Variants in NIN observed in about 807,000 individuals in gnomAD.
NIN encodes the protein glycogen synthase kinase 3 beta-interacting protein.
A neutral mutation model predicts 257.6 loss-of-function variants in NIN; 137 were observed. The ratio of observed to expected loss-of-function variants is 0.53; its 90% CI spans 0.46 to 0.61. The LOEUF (loss-of-function observed/expected upper bound fraction) is 0.61. Ranked by LOEUF, NIN falls within the 20% of genes least tolerant of loss-of-function variation. The probability of loss-of-function intolerance (pLI) is 0.00; values close to 1 mark genes in which losing one functional copy is unlikely to be tolerated. For missense variants in NIN, 2,439 were observed against 2,501.2 expected (o/e 0.98, Z 0.53); for synonymous variants, 918 against 919.8 (o/e 1.00, Z 0.04).
intron 18 of NIN, among the ~76,000 whole-genome samples, chr14:50,755,358 A>AT (rs1259133155): frequency 1.3e-5 from 2 of 152,148 alleles, no homozygotes; most frequent in Non-Finnish European, 2.9e-5. Flanking sequence ...TATTCATCTC[A>AT]TTATATTCTG....
chr14:50,761,419 C>T (rs1274571925), intron 16 of NIN, among the ~76,000 whole-genome samples: 1 of 152,086 alleles, frequency 6.6e-6, no homozygotes, highest in African/African-American at 2.4e-5. Context: ...GGACTGGAAA[C>T]GTCAGTTGAA....
At chr14:50,785,772 G>A (rs1471897788) in intron 5 of NIN, among the ~76,000 whole-genome samples, 2 of 152,342 alleles carry the variant, frequency 1.3e-5, no homozygotes, top group East Asian at 1.9e-4. Flanking sequence ...AGTGGAAGCT[G>A]AGTGCGCCCG....
At chr14:50,759,803 TA>T in intron 17 of NIN, 53 bp downstream of exon 17, 1 of 1,541,320 alleles carries the variant, frequency 6.5e-7, no homozygotes. Context: ...CTGGCACTTC[TA>T]ATGCCCCGAG....
rs1319227298 is a variant in NIN at position 50,757,584 on chromosome 14, T to G, written c.3446A>C (p.Asp1149Ala). The change falls in exon 18 of 31, where the codon GAT (aspartate) becomes GCT (alanine). Residue 1149 changes from aspartate to alanine, a missense_variant. Physicochemically the swap from Asp to Ala is moderately radical, Grantham distance 126 (BLOSUM62 -2). Around this residue, in one of 3 missense-constraint regions of NIN, gnomAD observed 2,043 missense variants for 2,050.2 expected, o/e 1.00. Coordinates refer to ENST00000530997, the MANE Select transcript of NIN (RefSeq NM_020921.4). ...TRRHVLSDLE[D>A]DEVRDLGSTG... ...ACTTCCCAGGTCCCGGACCTCATCA[T>G]CTTCCAGGTCACTTAGGACATGCCG... The G allele has an allele frequency of 1.1e-5, 18 of 1,614,038 alleles. No homozygotes were observed. Among genetic ancestry groups the G allele is most frequent in the Non-Finnish European group, 1.5e-5 (18 of 1,180,026 alleles).
chr14:50,773,228 T>C, intron 7 of NIN, 133 bp from the exon 8 acceptor site: 1 of 581,738 alleles, frequency 1.7e-6, no homozygotes, highest in South Asian at 2.8e-5. Flanking sequence ...CCCTTTATTC[T>C]CACTTTACTG....
chr14:50,752,133 C>G (rs928733624), intron 21 of NIN, among the ~76,000 whole-genome samples: 1 of 147,748 alleles, frequency 6.8e-6, no homozygotes, highest in Non-Finnish European at 1.5e-5. Context: ...CAAATTCACC[C>G]GTATTTTCTT....
In NIN at chr14:50,744,357, T is replaced by C. The variant is rs2041438389; in HGVS notation, c.5073A>G (p.Arg1691=). The change falls in exon 23 of 31, where the codon AGA becomes AGG. Residue 1691 remains arginine, a synonymous_variant. Coordinates refer to ENST00000530997, the MANE Select transcript of NIN (RefSeq NM_020921.4). ...DELEKMKQLH[R]CPDLSDFQQK... ...GCTGGAAGTCAGAGAGATCGGGACATCTGTGCAGCTGTAAGAGATAAACAA... is the reference window on the plus strand; with the variant it reads ...GCTGGAAGTCAGAGAGATCGGGACACCTGTGCAGCTGTAAGAGATAAACAA... 1 of 1,613,928 alleles carries C rather than the reference T, an allele frequency of 6.2e-7. No individual in the cohort carries two copies. Among genetic ancestry groups the C allele is most frequent in the Non-Finnish European group, 8.5e-7 (1 of 1,179,902 alleles).
Position 50,763,912 on chromosome 14 carries a change from G to A in NIN, c.1688C>T (p.Ala563Val). 1.2e-6 allele frequency: 2 copies of A among 1,614,050 alleles called. No homozygotes were observed. The highest frequency in any genetic ancestry group is 1.7e-6 in the Non-Finnish European group (2 of 1,179,942). ...CGGAAGCCTGAGCACTCTGCCTTGT[G>A]CACGATATTCTTCCAGCTCAGACTG... Reference protein sequence around the residue: ...ELQSELEEYRAQGRVLRLPLK... With the variant: ...ELQSELEEYRVQGRVLRLPLK... Residue 563 changes from alanine to valine, a missense_variant, in exon 15 of 31, where the codon GCA becomes GTA. Physicochemically the swap from Ala to Val is moderately conservative, Grantham distance 64. Transcript: ENST00000530997.
intron 29 of NIN, among the ~76,000 whole-genome samples, chr14:50,726,891 T>C (rs1441557516): frequency 1.3e-5 from 2 of 152,186 alleles, no homozygotes; most frequent in Non-Finnish European, 2.9e-5. Flanking sequence ...TTAAAAGACA[T>C]GCAGAATGAC....
chr14:50,817,249 T>C (rs1345076959), intron 3 of NIN, among the ~76,000 whole-genome samples: 1 of 152,184 alleles, frequency 6.6e-6, no homozygotes, highest in Non-Finnish European at 1.5e-5. Flanking sequence ...TACAAACCAA[T>C]GGCAGTTAAT....
At chr14:50,795,630 C>A (rs966105966) in intron 4 of NIN, among the ~76,000 whole-genome samples, 1 of 152,166 alleles carries the variant, frequency 6.6e-6, no homozygotes, top group African/African-American at 2.4e-5. Flanking sequence ...CCAGATGGAA[C>A]CTTTATTTTT....
rs749176097 is a variant in NIN, at chr14:50,821,991, C to T, written c.66G>A (p.Thr22=). 16 of 1,614,052 alleles carry T rather than the reference C, an allele frequency of 9.9e-6. No homozygotes were observed. Among genetic ancestry groups the T allele is most frequent in the South Asian group, 5.5e-5 (5 of 91,088 alleles). The change falls in exon 3 of 31, where the codon ACG becomes ACA. Residue 22 remains threonine (T), a synonymous_variant. Coordinates refer to ENST00000530997, the MANE Select transcript of NIN (RefSeq NM_020921.4). The part of the protein sequence containing the change: ...RLKELFDSFD[T]TGTGSLGQEE... The stretch of plus-strand genomic sequence containing the variant: ...CCTGCCCCAGGGACCCTGTGCCCGT[C>T]GTGTCAAAACTGTCAAACAGCTCCT...
In NIN at chr14:50,757,836, T is replaced by C; in HGVS notation, c.3194A>G (p.Asp1065Gly). The change falls in exon 18 of 31, where the codon GAC (aspartate) becomes GGC (glycine). Residue 1065 changes from aspartate (D) to glycine (G), a missense_variant. Asp to Gly is a moderately conservative substitution (Grantham distance 94). This residue lies in a region of NIN where 2,043 missense variants were observed against 2,050.2 expected (regional missense o/e 1.00). Coordinates refer to ENST00000530997, the MANE Select transcript of NIN (RefSeq NM_020921.4). ...QGEQLLEENGDVLLSLQRAHE... is the reference protein window; with the variant it reads ...QGEQLLEENGGVLLSLQRAHE... ...AGCTCTCTGCAGGCTTAAGAGGACG[T>C]CCCCATTTTCTTCCAACAGCTGCTC... 6.2e-7 allele frequency: 1 copy of C among 1,614,104 alleles called. No homozygotes were observed. Among genetic ancestry groups the C allele is most frequent in the Non-Finnish European group, 8.5e-7 (1 of 1,180,024 alleles).
intron 3 of NIN, among the ~76,000 whole-genome samples, chr14:50,809,397 T>C (rs145642334): frequency 1.4e-3 from 217 of 152,266 alleles, no homozygotes; most frequent in African/African-American, 4.6e-3. Context: ...TCCAGTTTGC[T>C]ATATTTAGGG....
chr14:50,759,749 A>G (rs2042201301), intron 17 of NIN, 108 bp downstream of exon 17: 2 of 1,205,120 alleles, frequency 1.7e-6, no homozygotes, highest in Non-Finnish European at 2.3e-6. Flanking sequence ...TCGGCCTCCC[A>G]GAGTGCTGGG....
At position 50,719,797 on chromosome 14, in the gene NIN, G is replaced by A. The variant is rs972034345; in HGVS notation, c.*3666C>T. 3 of 188,264 alleles carry A rather than the reference G, an allele frequency of 1.6e-5. No homozygotes were observed. In the East Asian group the frequency reaches 2.6e-4, roughly 16 times the overall value. 11.7% of individuals were successfully genotyped at this position (188,264 alleles called of 1,614,324 possible). ...CACTGAAACTTTATTAAAAGGTCAG[G>A]GTATATAGAAAACAAAAGGCATGTT... On this transcript the variant is annotated 3_prime_UTR_variant, in exon 31 of 31. Transcript: ENST00000530997.
At chr14:50,743,982 C>A (rs958061731) in intron 23 of NIN, among the ~76,000 whole-genome samples, 1 of 152,020 alleles carries the variant, frequency 6.6e-6, no homozygotes, top group South Asian at 2.1e-4. Context: ...AACAAAATAG[C>A]GGTATAAAGT....
At position 50,741,350 on chromosome 14, in the gene NIN, G is replaced by C. The variant is rs138103410; in HGVS notation, c.5448+232C>G. Among the ~76,000 whole-genome samples the C allele has an allele frequency of 3.3e-3, 509 of 152,304 alleles. 3 individuals carry two copies. Among genetic ancestry groups the C allele is most frequent in the African/African-American group, 0.012 (485 of 41,554 alleles). ...AGCATCCCTAAACTACAGTGGCAGA[G>C]GGTACAAAAGTGGTTCCCTTGGGGT... On this transcript the variant is annotated intron_variant, in intron 25 of 30. Transcript: ENST00000530997.
intron 6 of NIN, among the ~76,000 whole-genome samples, chr14:50,777,500 A>C (rs1266031604): frequency 1.3e-5 from 2 of 152,236 alleles, no homozygotes; most frequent in Non-Finnish European, 2.9e-5. Flanking sequence ...AGAACTCTGT[A>C]AGCTCTATCT....
Sources: allele counts gnomAD v4.1 joint callset (sites outside exome capture counted in the v4.1 genomes callset), GRCh38; gene constraint gnomAD v4.1.1; regional missense constraint gnomAD v4.1.1; transcripts MANE v1.5; gene names NCBI Gene and HGNC (gene_info 2026-07-23, HGNC 2026-07-21).